CYRIA: variants seen among roughly 807,000 people sequenced by gnomAD.
CYRIA encodes CYFIP-related Rac1 interactor A.
In CYRIA, 15 loss-of-function variants were observed where a neutral mutation model predicts 43.9. The ratio of observed to expected loss-of-function variants is 0.34; its 90% CI spans 0.23 to 0.53. CYRIA has a LOEUF of 0.53. Among genes scored for constraint, CYRIA ranks in the 20% least tolerant of loss-of-function variants. The pLI, the probability that CYRIA is intolerant of heterozygous loss-of-function variation, is 0.94. For missense variants in CYRIA, 236 were observed against 394.2 expected, an observed-to-expected ratio of 0.60 and a Z score of 3.40; for synonymous variants, 117 against 136.0, an observed-to-expected ratio of 0.86 and a Z score of 0.97.
chr2:16,656,247 T>C lies in CYRIA; in HGVS notation c.-167+9533A>G, dbSNP rs562909508. 1.7e-4 allele frequency among the ~76,000 whole-genome samples: 26 copies of C among 151,178 alleles called. 1 individual carries two copies. Among genetic ancestry groups the C allele is most frequent in the African/African-American group, 4.6e-4 (19 of 41,174 alleles). ...ACACACACATACCCACACTCACACA[T>C]ACCTATACACACACAGCTATACACA... On this transcript the variant is annotated intron_variant, in intron 1 of 11. Coordinates refer to ENST00000381323, the MANE Select transcript of CYRIA (RefSeq NM_030797.4).
At chr2:16,585,381 C>A (rs1667694451) in intron 3 of CYRIA, among the ~76,000 whole-genome samples, 1 of 152,094 alleles carries the variant, frequency 6.6e-6, no homozygotes, top group South Asian at 2.1e-4. Context: ...CCACAGAGAT[C>A]TTTGTTCCCA....
chr2:16,611,244 A>G (rs1053274452), intron 2 of CYRIA, among the ~76,000 whole-genome samples: 2 of 151,716 alleles, frequency 1.3e-5, no homozygotes, highest in Non-Finnish European at 2.9e-5. Context: ...ATGTGCCTGT[A>G]GTCCCAGCTA....
chr2:16,654,823 T>G (rs1439508408), intron 1 of CYRIA, among the ~76,000 whole-genome samples: 3 of 152,182 alleles, frequency 2.0e-5, no homozygotes, highest in African/African-American at 4.8e-5. Context: ...ATTAAAAATT[T>G]GGGAATACTA....
chr2:16,630,288 AC>A (rs1187049738), intron 1 of CYRIA, among the ~76,000 whole-genome samples: 2 of 151,978 alleles, frequency 1.3e-5, no homozygotes. Flanking sequence ...CATCTGAGGG[AC>A]CCCCACCTGG....
chr2:16,573,908 C>A (rs1434020451), intron 3 of CYRIA, among the ~76,000 whole-genome samples: 2 of 152,120 alleles, frequency 1.3e-5, no homozygotes, highest in Admixed American at 6.5e-5. Flanking sequence ...AAATTGGTAC[C>A]AGTACAGTGC....
chr2:16,620,417 A>G (rs1385764800), intron 2 of CYRIA, among the ~76,000 whole-genome samples: 1 of 152,222 alleles, frequency 6.6e-6, no homozygotes, highest in African/African-American at 2.4e-5. Flanking sequence ...TGCAGCATCA[A>G]TGGTGGGAAG....
At chr2:16,563,945 A>AGAACTCCGTATGT (rs1466458607) in intron 5 of CYRIA, 44 bp downstream of exon 5, 1 of 1,441,092 alleles carries the variant, frequency 6.9e-7, no homozygotes, top group Non-Finnish European at 9.7e-7. Context: ...ACATCAAAAC[A>AGAACTCCGTATGT]GAACTCCGTA....
intron 5 of CYRIA, among the ~76,000 whole-genome samples, chr2:16,563,702 T>C (rs1449845326): frequency 6.6e-6 from 1 of 152,178 alleles, no homozygotes; most frequent in East Asian, 1.9e-4. Flanking sequence ...AGAAATGTGA[T>C]CAGCCCACAG....
intron 5 of CYRIA, 114 bp from the exon 6 acceptor site, chr2:16,562,255 C>T: frequency 8.7e-7 from 1 of 1,144,428 alleles, no homozygotes; most frequent in Non-Finnish European, 1.2e-6. Context: ...TGAGTCTCTC[C>T]CGATAACTAC....
chr2:16,591,020 C>A (rs1029608745), intron 2 of CYRIA, among the ~76,000 whole-genome samples: 1 of 152,072 alleles, frequency 6.6e-6, no homozygotes, highest in African/African-American at 2.4e-5. Context: ...TTGGAAAGGC[C>A]TCTCATCCAT....
At chr2:16,588,824 A>G (rs1667825326) in intron 2 of CYRIA, among the ~76,000 whole-genome samples, 1 of 152,136 alleles carries the variant, frequency 6.6e-6, no homozygotes, top group African/African-American at 2.4e-5. Context: ...GAGATTGGAT[A>G]CTTCTGGAAG....
At chr2:16,553,052 C>T (rs375076153) in intron 11 of CYRIA, 53 bp from the exon 12 acceptor site, 69 of 1,137,868 alleles carry the variant, frequency 6.1e-5, no homozygotes, top group African/African-American at 3.8e-4. Flanking sequence ...TCTGTGTAAG[C>T]TTCAGCCCAT....
chr2:16,589,922 TCTC>T (rs1667862607), intron 2 of CYRIA, among the ~76,000 whole-genome samples: 1 of 152,100 alleles, frequency 6.6e-6, no homozygotes, highest in Non-Finnish European at 1.5e-5. Context: ...GTGAGTTTTC[TCTC>T]ATTGGCGATA....
rs1300081725 is a variant in CYRIA, at chr2:16,552,736, C to T, written c.*200G>A. 2.0e-6 allele frequency: 1 copy of T among 494,022 alleles called. No homozygotes were observed. The highest frequency in any genetic ancestry group is 2.0e-5 in the African/African-American group (1 of 50,300). The allele number at this position is 494,022 out of a possible 1,614,324, so 30.6% of individuals were successfully genotyped here. A position where few individuals can be genotyped will look rare whatever the true frequency, so the allele number is the denominator to read the frequency against. The stretch of plus-strand genomic sequence containing the variant: ...TTGGAGAAGGGGGTTTCATTTCAGA[C>T]ATCAAAGGTAAGGCTCTCAAGTCAA... On this transcript the variant is annotated 3_prime_UTR_variant, in exon 12 of 12. Transcript: ENST00000381323.
intron 1 of CYRIA, among the ~76,000 whole-genome samples, chr2:16,644,704 A>T (rs973544858): frequency 1.3e-5 from 2 of 152,216 alleles, no homozygotes; most frequent in African/African-American, 4.8e-5. Flanking sequence ...CTTGGAGGCC[A>T]CACTTAGATA....
chr2:16,612,237 C>A (rs1355295233), intron 2 of CYRIA, among the ~76,000 whole-genome samples: 3 of 152,044 alleles, frequency 2.0e-5, no homozygotes, highest in African/African-American at 7.2e-5. Flanking sequence ...AATCCAAGTT[C>A]TTCCAGCCTG....
chr2:16,565,821 GA>G (rs746729653), intron 3 of CYRIA, 54 bp from the exon 4 acceptor site: 157 of 1,461,920 alleles, frequency 1.1e-4, no homozygotes, highest in Non-Finnish European at 1.4e-4. Flanking sequence ...AATAGCTTGG[GA>G]GGAGGATGGA....
At chr2:16,616,035 G>A (rs1306097223) in intron 2 of CYRIA, among the ~76,000 whole-genome samples, 1 of 152,226 alleles carries the variant, frequency 6.6e-6, no homozygotes, top group Non-Finnish European at 1.5e-5. Flanking sequence ...TCCTGAGGGT[G>A]AGGCCTGATG....
chr2:16,646,474 A>T (rs1669823762), intron 1 of CYRIA, among the ~76,000 whole-genome samples: 1 of 152,226 alleles, frequency 6.6e-6, no homozygotes, highest in Non-Finnish European at 1.5e-5. Context: ...GAAGCTGATC[A>T]GTGCAAGGAA....
Sources: gnomAD v4.1 joint callset for allele counts (sites outside exome capture counted in the v4.1 genomes callset) on GRCh38, gnomAD v4.1.1 for gene constraint, MANE v1.5 for transcripts, NCBI Gene and HGNC (gene_info 2026-07-23, HGNC 2026-07-21) for gene names.